The following VAV2 variants were observed in gnomAD, a reference collection of about 807,000 sequenced individuals.
VAV2 encodes the protein guanine nucleotide exchange factor VAV2.
A neutral mutation model predicts 132.5 loss-of-function variants in VAV2; 67 were observed. The ratio of observed to expected loss-of-function variants is 0.51; its 90% CI spans 0.42 to 0.62. The LOEUF (loss-of-function observed/expected upper bound fraction) is 0.62. Among genes scored for constraint, VAV2 ranks in the 20% least tolerant of loss-of-function variants. VAV2 has a pLI of 0.00. For synonymous variants in VAV2, 492 were observed against 443.5 expected, an observed-to-expected ratio of 1.11 and a Z score of -1.37; for missense variants, 938 against 1,153.6, an observed-to-expected ratio of 0.81 and a Z score of 2.71.
intron 3 of VAV2, among the ~76,000 whole-genome samples, chr9:133,845,257 G>A (rs1264624135): frequency 6.6e-6 from 1 of 152,258 alleles, no homozygotes; most frequent in Non-Finnish European, 1.5e-5. Context: ...TGAATCCACG[G>A]GCTGGATGGC....
Position 133,918,271 on chromosome 9 carries a change from G to GCAC in VAV2, c.321+20829_321+20831dup, listed in dbSNP as rs1185133154. Among the ~76,000 whole-genome samples the GCAC allele has an allele frequency of 1.3e-5, 2 of 152,250 alleles. No individual in the cohort carries two copies. The highest frequency in any genetic ancestry group is 3.9e-4 in the East Asian group (2 of 5,172). The stretch of plus-strand genomic sequence containing the variant: ...AGAAACTATTTTTAAACAAAGGAGC[G>GCAC]CACTCTCTGCGGCGGCAGAAAAGCG... On this transcript the variant is annotated intron_variant, in intron 2 of 29. Transcript: ENST00000371850. This position sits in a 1 kb window ranked among gnomAD's most constrained non-coding sequence, Gnocchi z 4.7.
chr9:133,834,003 G>C lies in VAV2; in HGVS notation c.449+269C>G, dbSNP rs1452786895. ...GCTAGGGCAATGGGCCAACACCCGGGCCAGCCATTAGACTGGCTGGGCAGC... is the reference window on the plus strand; with the variant it reads ...GCTAGGGCAATGGGCCAACACCCGGCCCAGCCATTAGACTGGCTGGGCAGC... On this transcript the variant is annotated intron_variant, in intron 4 of 29. Coordinates refer to ENST00000371850, the MANE Select transcript of VAV2 (RefSeq NM_001134398.2). The surrounding 1 kb of genome is among the most constrained non-coding windows in gnomAD (Gnocchi z 5.9). Among the ~76,000 whole-genome samples, 2 of 152,184 alleles carry C rather than the reference G, an allele frequency of 1.3e-5. No homozygotes were observed. The highest frequency in any genetic ancestry group is 1.3e-4 in the Admixed American group (2 of 15,290).
At chr9:133,865,386 T>C (rs533960632) in intron 2 of VAV2, among the ~76,000 whole-genome samples, 7 of 152,342 alleles carry the variant, frequency 4.6e-5, no homozygotes, top group Non-Finnish European at 1.0e-4. Flanking sequence ...GCCTCACTTC[T>C]TTTTCACACC....
At chr9:133,848,279 C>CAAAAAAAAAAAAAAAAAAAA (rs34908811) in intron 3 of VAV2, among the ~76,000 whole-genome samples, 4 of 48,626 alleles carry the variant, frequency 8.2e-5, no homozygotes, top group Non-Finnish European at 1.8e-4. Flanking sequence ...GACTCCGTCT[C>CAAAAAAAAAAAAAAAAAAAA]AAAAAAAAAA....
Position 133,956,781 on chromosome 9 carries a change from C to T in VAV2, c.205-17562G>A, listed in dbSNP as rs540782685. Among the ~76,000 whole-genome samples the T allele has an allele frequency of 2.6e-5, 4 of 152,334 alleles. No homozygotes were observed. The South Asian group carries it at 6.2e-4, about 24-fold the overall frequency. ...AAGGTCAGGAATGCTGCAGCTGCAGCCTCGCCTTCCGCCCCCACCCAGGCG... is the reference window on the plus strand; with the variant it reads ...AAGGTCAGGAATGCTGCAGCTGCAGTCTCGCCTTCCGCCCCCACCCAGGCG... On this transcript the variant is annotated intron_variant, in intron 1 of 29. Transcript: ENST00000371850.
chr9:133,821,624 G>C (rs1452434960), intron 4 of VAV2, among the ~76,000 whole-genome samples: 1 of 152,212 alleles, frequency 6.6e-6, no homozygotes, highest in Non-Finnish European at 1.5e-5. Flanking sequence ...AACACATAGT[G>C]TGGTCAGCAT....
intron 3 of VAV2, among the ~76,000 whole-genome samples, chr9:133,839,414 T>C (rs1836626545): frequency 6.6e-6 from 1 of 151,562 alleles, no homozygotes; most frequent in Non-Finnish European, 1.5e-5. Flanking sequence ...CTGCTCTTAA[T>C]CCCCTGAAAT....
intron 24 of VAV2, among the ~76,000 whole-genome samples, chr9:133,775,805 G>C (rs907236676): frequency 6.6e-6 from 1 of 152,260 alleles, no homozygotes; most frequent in Non-Finnish European, 1.5e-5. Context: ...AGGGTTAACA[G>C]CTGCCTACAG....
rs2132135132 is a variant in VAV2, at chr9:133,939,088, A to G, written c.321+15T>C. 1 of 1,612,210 alleles carries G rather than the reference A, an allele frequency of 6.2e-7. No homozygotes were observed. Among genetic ancestry groups the G allele is most frequent in the Non-Finnish European group, 8.5e-7 (1 of 1,178,250 alleles). On this transcript the variant is annotated intron_variant, in intron 2 of 29. Transcript: ENST00000371850. Reference sequence around the variant, plus strand: ...CACAGCTGAGCGACCGAGGCTGGAGAGAGTGACTGCTCACCTTTCCAAAGT... The same window carrying G: ...CACAGCTGAGCGACCGAGGCTGGAGGGAGTGACTGCTCACCTTTCCAAAGT...
chr9:133,986,493 C>CTGCTGTTGGCTGGATGGAGACGGATTGA (rs1323447677), intron 1 of VAV2, among the ~76,000 whole-genome samples: 2 of 152,170 alleles, frequency 1.3e-5, no homozygotes, highest in Non-Finnish European at 2.9e-5. Flanking sequence ...TCACGGATTG[C>CTGCTGTTGGCTGGATGGAGACGGATTGA]TGCTGTTGGC....
At chr9:133,854,110 TACCCCTTGCACCTGCACACACAC>T (rs534325438) in intron 3 of VAV2, among the ~76,000 whole-genome samples, 21,163 of 119,454 alleles carry the variant, frequency 0.18, 3,866 homozygotes, top group African/African-American at 0.47. Flanking sequence ...TGCACACACA[TACCCCTTGCACCTGCACACACAC>T]ACCCCTTGCA....
At chr9:133,954,553 C>T (rs1440772485) in intron 1 of VAV2, among the ~76,000 whole-genome samples, 2 of 152,268 alleles carry the variant, frequency 1.3e-5, no homozygotes, top group Non-Finnish European at 2.9e-5. Context: ...CAGGTCCAGC[C>T]ATGGGAGGCT....
intron 3 of VAV2, among the ~76,000 whole-genome samples, chr9:133,853,592 C>G (rs1297386005): frequency 6.6e-6 from 1 of 152,082 alleles, no homozygotes; most frequent in Non-Finnish European, 1.5e-5. Context: ...TCTGCATCAC[C>G]CTGCACTACA....
chr9:133,797,922 C>T, intron 9 of VAV2, 113 bp from the exon 10 acceptor site: 1 of 857,820 alleles, frequency 1.2e-6, no homozygotes, highest in Non-Finnish European at 1.8e-6. Context: ...CAACAGGCCC[C>T]TCCCCTGACA....
chr9:133,992,312 C>T lies in VAV2; in HGVS notation c.-34G>A. The T allele has an allele frequency of 7.5e-7, 1 of 1,327,420 alleles. No homozygotes were observed. The highest frequency in any genetic ancestry group is 9.7e-7 in the Non-Finnish European group (1 of 1,031,352). The allele number at this position is 1,327,420 out of a possible 1,614,324, so 82.2% of individuals were successfully genotyped here. ...CGGGCCCGACCGGCTCAGGGCAGTG[C>T]TCGAGCCAAAGTGCAGCGGCCGCGG... is the stretch of plus-strand genomic sequence containing the variant. On this transcript the variant is annotated 5_prime_UTR_variant, in exon 1 of 30. Coordinates refer to ENST00000371850, the MANE Select transcript of VAV2 (RefSeq NM_001134398.2). The surrounding 1 kb of genome is among the most constrained non-coding windows in gnomAD (Gnocchi z 5.5).
At chr9:133,974,519 G>A (rs570950256) in intron 1 of VAV2, among the ~76,000 whole-genome samples, 38 of 152,270 alleles carry the variant, frequency 2.5e-4, no homozygotes, top group Non-Finnish European at 4.9e-4. Context: ...TGTGTCAGGT[G>A]TGACCACTCC....
chr9:133,798,186 G>C (rs1057274166), intron 9 of VAV2, among the ~76,000 whole-genome samples: 1 of 151,190 alleles, frequency 6.6e-6, no homozygotes. Context: ...GACCCCAGGA[G>C]GGCTCAGAAT....
Position 133,807,335 on chromosome 9 carries a change from G to C in VAV2, c.667-9C>G, listed in dbSNP as rs776485089. The C allele has an allele frequency of 9.3e-6, 15 of 1,605,262 alleles. No homozygotes were observed. In the East Asian group the frequency reaches 1.8e-4, roughly 19 times the overall value. ...AGGGGGCTCATGTAGTTCTGGAAGA[G>C]AGAAGTCCACCTCTGCCACCCTGCT... On this transcript the variant is annotated splice_polypyrimidine_tract_variant and intron_variant, in intron 7 of 29. Transcript: ENST00000371850.
chr9:133,897,072 C>T (rs955460494), intron 2 of VAV2, among the ~76,000 whole-genome samples: 6 of 152,040 alleles, frequency 3.9e-5, no homozygotes, highest in African/African-American at 1.5e-4. Context: ...CCAGCCTGGG[C>T]GACAGAGCGA....
Sources: allele counts gnomAD v4.1 joint callset (sites outside exome capture counted in the v4.1 genomes callset), GRCh38; gene constraint gnomAD v4.1.1; non-coding constraint Gnocchi (gnomAD v3.1); transcripts MANE v1.5; gene names NCBI Gene and HGNC (gene_info 2026-07-23, HGNC 2026-07-21).